MBNL1: variants seen among roughly 807,000 people sequenced by gnomAD.
MBNL1 encodes the protein muscleblind-like protein 1.
Under a neutral mutation model 42.2 loss-of-function variants are expected in MBNL1, and 8 were observed. That is an observed-to-expected ratio of 0.19 (90% CI 0.11 to 0.34). The LOEUF is 0.34. Ranked by LOEUF, MBNL1 falls within the 10% of genes least tolerant of loss-of-function variation. MBNL1 has a pLI of 1.00. For missense variants in MBNL1, 309 were observed against 495.3 expected (o/e 0.62, Z 3.57); for synonymous variants, 169 against 173.9 (o/e 0.97, Z 0.22).
chr3:152,392,983 G>T (rs1170775082), intron 2 of MBNL1, among the ~76,000 whole-genome samples: 4 of 152,122 alleles, frequency 2.6e-5, no homozygotes, highest in Non-Finnish European at 4.4e-5. Context: ...TGTTGCGTTG[G>T]ATCCTAAGTT....
chr3:152,367,478 G>A (rs1001356812), intron 2 of MBNL1, among the ~76,000 whole-genome samples: 4 of 152,118 alleles, frequency 2.6e-5, no homozygotes, highest in Non-Finnish European at 5.9e-5. Context: ...GAATAGTGCT[G>A]CAATAAATAT....
At chr3:152,376,782 ACGCACACACACACGTGCATG>A (rs1198488934) in intron 2 of MBNL1, among the ~76,000 whole-genome samples, 26 of 131,554 alleles carry the variant, frequency 2.0e-4, no homozygotes, top group Admixed American at 8.4e-4. Flanking sequence ...CTATATATAT[ACGCACACACACACGTGCATG>A]CGCACACACA....
At chr3:152,248,278 A>G (rs1442656510) in intron 2 of MBNL1, among the ~76,000 whole-genome samples, 2 of 152,094 alleles carry the variant, frequency 1.3e-5, no homozygotes, top group African/African-American at 2.4e-5. Flanking sequence ...TGAATAAAAT[A>G]CAATCATATA....
At chr3:152,307,932 G>C (rs1257403207) in intron 2 of MBNL1, among the ~76,000 whole-genome samples, 3 of 152,124 alleles carry the variant, frequency 2.0e-5, no homozygotes, top group Non-Finnish European at 4.4e-5. Context: ...AAAGAATGCT[G>C]CCACCAACTT....
intron 2 of MBNL1, among the ~76,000 whole-genome samples, chr3:152,383,862 C>T (rs1454518825): frequency 6.6e-6 from 1 of 152,032 alleles, no homozygotes; most frequent in East Asian, 1.9e-4. Context: ...CATCTTCCCT[C>T]ACCTCAAATC....
intron 2 of MBNL1, among the ~76,000 whole-genome samples, chr3:152,330,820 T>C (rs1464744327): frequency 6.6e-6 from 1 of 152,190 alleles, no homozygotes; most frequent in Admixed American, 6.5e-5. Flanking sequence ...AACTTTATTG[T>C]AGGTATGTAT....
At chr3:152,383,097 CTA>C (rs2097254576) in intron 2 of MBNL1, among the ~76,000 whole-genome samples, 3 of 152,082 alleles carry the variant, frequency 2.0e-5, no homozygotes, top group South Asian at 2.1e-4. Context: ...CATGCGTTTT[CTA>C]TAGTCTCCTT....
intron 2 of MBNL1, among the ~76,000 whole-genome samples, chr3:152,398,790 T>C (rs2153531444): frequency 6.6e-6 from 1 of 152,334 alleles, no homozygotes; most frequent in East Asian, 1.9e-4. Flanking sequence ...TAATACAGTA[T>C]TTGAAACCTT....
intron 1 of MBNL1, among the ~76,000 whole-genome samples, chr3:152,281,169 G>C (rs1043419590): frequency 6.6e-6 from 1 of 152,134 alleles, no homozygotes; most frequent in African/African-American, 2.4e-5. Flanking sequence ...TTTAGGCATT[G>C]CTATCTTTCT....
rs77320108 is a variant in MBNL1, at chr3:152,406,877, T to C, written c.175-8064T>C. 2.9e-3 allele frequency among the ~76,000 whole-genome samples: 436 copies of C among 152,278 alleles called. 3 individuals carry two copies. The highest frequency in any genetic ancestry group is 3.9e-3 in the East Asian group (20 of 5,188). ...GTCTAACCTAAAATCCCATTTGTGA[T>C]TAGATTATGCACTGATGAAAAAATG... On this transcript the variant is annotated intron_variant, in intron 2 of 9. Transcript: ENST00000324210.
At chr3:152,353,839 C>G (rs1487534087) in intron 2 of MBNL1, among the ~76,000 whole-genome samples, 2 of 151,994 alleles carry the variant, frequency 1.3e-5, no homozygotes, top group African/African-American at 4.8e-5. Context: ...GAGCACCTGG[C>G]CTGTGCTACA....
At chr3:152,404,756 A>G (rs2098378529) in intron 2 of MBNL1, among the ~76,000 whole-genome samples, 1 of 149,336 alleles carries the variant, frequency 6.7e-6, no homozygotes, top group South Asian at 2.1e-4. Context: ...AATAGTTTTT[A>G]AATTATTTTA....
intron 2 of MBNL1, among the ~76,000 whole-genome samples, chr3:152,402,487 T>A (rs1378693715): frequency 1.3e-5 from 2 of 152,234 alleles, no homozygotes; most frequent in Non-Finnish European, 2.9e-5. Context: ...GAGCTGGGAC[T>A]GTATTGCTCT....
At chr3:152,297,260 T>G (rs1288330744) in intron 1 of MBNL1, among the ~76,000 whole-genome samples, 2 of 151,320 alleles carry the variant, frequency 1.3e-5, no homozygotes, top group African/African-American at 2.4e-5. Context: ...CTTTGTTTTT[T>G]TTTTTTTTTT....
chr3:152,456,399 T>C (rs1247065733), intron 8 of MBNL1, 38 bp downstream of exon 8: 1 of 1,529,444 alleles, frequency 6.5e-7, no homozygotes, highest in Non-Finnish European at 9.1e-7. Context: ...AAAAAACAAC[T>C]CTAATAGGGC....
At chr3:152,455,416 C>A in intron 6 of MBNL1, 126 bp from the exon 7 acceptor site, 1 of 746,672 alleles carries the variant, frequency 1.3e-6, no homozygotes. Flanking sequence ...AGTTACATGC[C>A]ACTGTTCCCA....
intron 2 of MBNL1, among the ~76,000 whole-genome samples, chr3:152,388,106 G>T (rs1234901540): frequency 2.0e-5 from 3 of 152,086 alleles, no homozygotes; most frequent in Non-Finnish European, 4.4e-5. Context: ...TTAGATTTCT[G>T]GTTTTTAACA....
chr3:152,416,857 A>G (rs908914187), intron 3 of MBNL1, among the ~76,000 whole-genome samples: 1 of 152,246 alleles, frequency 6.6e-6, no homozygotes, highest in African/African-American at 2.4e-5. Context: ...CAGATTTCTG[A>G]AACCATGAGA....
intron 4 of MBNL1, among the ~76,000 whole-genome samples, chr3:152,436,410 C>A (rs767720137): frequency 5.9e-5 from 9 of 152,146 alleles, no homozygotes; most frequent in African/African-American, 1.2e-4. Context: ...TGTCATTACA[C>A]AACTGTACTT....
Sources: gnomAD v4.1 joint callset for allele counts (sites outside exome capture counted in the v4.1 genomes callset) on GRCh38, gnomAD v4.1.1 for gene constraint, MANE v1.5 for transcripts, NCBI Gene and HGNC (gene_info 2026-07-23, HGNC 2026-07-21) for gene names.